Variants in GRID2 observed in about 807,000 individuals in gnomAD.
The protein encoded by GRID2 is glutamate receptor ionotropic, delta-2.
A neutral mutation model predicts 114.8 loss-of-function variants in GRID2; 33 were observed. The ratio of observed to expected loss-of-function variants is 0.29; its 90% confidence interval spans 0.22 to 0.38. The LOEUF is 0.38. Among genes scored for constraint, GRID2 ranks in the 10% least tolerant of loss-of-function variants. GRID2 has a pLI of 1.00. For synonymous variants in GRID2, 505 were observed against 449.9 expected (o/e 1.12, Z -1.55); for missense variants, 1,184 against 1,257.7 (o/e 0.94, Z 0.89).
intron 4 of GRID2, among the ~76,000 whole-genome samples, chr4:93,180,966 C>G (rs977410000): frequency 6.6e-6 from 1 of 152,132 alleles, no homozygotes; most frequent in African/African-American, 2.4e-5. Flanking sequence ...TTGACATGCT[C>G]TCATGAATCA....
intron 3 of GRID2, among the ~76,000 whole-genome samples, chr4:93,093,009 C>T (rs188570985): frequency 3.4e-4 from 51 of 152,024 alleles, no homozygotes; most frequent in Admixed American, 8.5e-4. Context: ...CAAACTACAA[C>T]GAACACTTTC....
intron 2 of GRID2, among the ~76,000 whole-genome samples, chr4:92,960,940 G>C (rs976945098): frequency 7.3e-5 from 11 of 151,242 alleles, no homozygotes. Context: ...GTTATTTTTA[G>C]TGGTTGCTCT....
At chr4:93,047,821 T>C (rs936296268) in intron 2 of GRID2, among the ~76,000 whole-genome samples, 3 of 151,278 alleles carry the variant, frequency 2.0e-5, no homozygotes, top group African/African-American at 7.3e-5. Flanking sequence ...TGACCCCAGG[T>C]AGATGAATAC....
intron 8 of GRID2, among the ~76,000 whole-genome samples, chr4:93,255,756 A>G (rs1749506736): frequency 6.6e-6 from 1 of 152,080 alleles, no homozygotes; most frequent in Admixed American, 6.6e-5. Context: ...CCTCACCAGA[A>G]AAGATGAAGG....
At chr4:92,793,034 A>G (rs72663573) in intron 2 of GRID2, among the ~76,000 whole-genome samples, 1,843 of 151,722 alleles carry the variant, frequency 0.012, 17 homozygotes, top group Middle Eastern at 0.071. Context: ...CATTTTGCGT[A>G]AAGAGAGTAA....
At chr4:93,674,151 C>G (rs1341200091) in intron 14 of GRID2, among the ~76,000 whole-genome samples, 1 of 152,180 alleles carries the variant, frequency 6.6e-6, no homozygotes, top group Non-Finnish European at 1.5e-5. Flanking sequence ...GTGTTATACT[C>G]TGAAGTATAA....
At chr4:92,329,108 AT>A (rs1726746942) in intron 1 of GRID2, among the ~76,000 whole-genome samples, 1 of 151,980 alleles carries the variant, frequency 6.6e-6, no homozygotes, top group South Asian at 2.1e-4. Context: ...CATTTTTTCC[AT>A]GTCTAGCTTT....
At chr4:92,457,876 A>T (rs1721294561) in intron 1 of GRID2, among the ~76,000 whole-genome samples, 1 of 152,166 alleles carries the variant, frequency 6.6e-6, no homozygotes, top group South Asian at 2.1e-4. Context: ...CCCTTAAAGA[A>T]ATTTCTCTAC....
chr4:93,314,335 A>C (rs1358842146), intron 8 of GRID2, among the ~76,000 whole-genome samples: 2 of 150,864 alleles, frequency 1.3e-5, no homozygotes, highest in Admixed American at 1.3e-4. Flanking sequence ...AAAAAGAAGA[A>C]GAAGAAGAAT....
chr4:92,960,504 A>T (rs929996707), intron 2 of GRID2, among the ~76,000 whole-genome samples: 1 of 152,046 alleles, frequency 6.6e-6, no homozygotes, highest in Non-Finnish European at 1.5e-5. Context: ...TCCCTTTATC[A>T]TGTAATGCTC....
At chr4:93,395,120 G>A in intron 8 of GRID2, among the ~76,000 whole-genome samples, 1 of 151,864 alleles carries the variant, frequency 6.6e-6, no homozygotes, top group East Asian at 1.9e-4. Flanking sequence ...TGAAAACAAA[G>A]ACATACACAT....
At chr4:92,585,315 G>A (rs969968673) in intron 1 of GRID2, among the ~76,000 whole-genome samples, 1 of 151,972 alleles carries the variant, frequency 6.6e-6, no homozygotes, top group African/African-American at 2.4e-5. Flanking sequence ...TTTCAGTTAA[G>A]TTTATTCCTT....
chr4:93,386,033 A>G (rs984503117), intron 8 of GRID2, among the ~76,000 whole-genome samples: 1 of 152,140 alleles, frequency 6.6e-6, no homozygotes, highest in Non-Finnish European at 1.5e-5. Context: ...AGCAAAACAG[A>G]AGGGTTTATT....
At chr4:93,313,908 C>T (rs1756292012) in intron 8 of GRID2, among the ~76,000 whole-genome samples, 1 of 152,114 alleles carries the variant, frequency 6.6e-6, no homozygotes, top group African/African-American at 2.4e-5. Context: ...GCAAAATCAG[C>T]CCTACACATA....
chr4:93,355,029 T>C (rs1028601665), intron 8 of GRID2, among the ~76,000 whole-genome samples: 1 of 151,618 alleles, frequency 6.6e-6, no homozygotes, highest in Non-Finnish European at 1.5e-5. Context: ...TCATTATTAT[T>C]ATTATCATCA....
At position 93,052,329 on chromosome 4, in the gene GRID2, G is replaced by A. The variant is rs530506354; in HGVS notation, c.245-32666G>A. ...CACACTTACGCAACTTTAATTGATA[G>A]GCAGTCATGTATCACTTAATGATGG... is the stretch of plus-strand genomic sequence containing the variant. On this transcript the variant is annotated intron_variant, in intron 2 of 15. Transcript: ENST00000282020. 3.3e-5 allele frequency among the ~76,000 whole-genome samples: 5 copies of A among 151,988 alleles called. 1 individual carries two copies. The highest frequency in any genetic ancestry group is 9.6e-5 in the African/African-American group (4 of 41,500).
chr4:93,208,048 G>T (rs958156086), intron 5 of GRID2, among the ~76,000 whole-genome samples: 2 of 151,920 alleles, frequency 1.3e-5, no homozygotes, highest in African/African-American at 4.8e-5. Context: ...ATTAGGACCT[G>T]CCAGTCAGAA....
intron 13 of GRID2, among the ~76,000 whole-genome samples, chr4:93,595,780 A>C (rs1194476780): frequency 6.6e-6 from 1 of 152,190 alleles, no homozygotes; most frequent in Non-Finnish European, 1.5e-5. Flanking sequence ...TCATTATATT[A>C]CTTTAATTTC....
At chr4:93,313,432 T>C (rs2149192596) in intron 8 of GRID2, among the ~76,000 whole-genome samples, 1 of 152,328 alleles carries the variant, frequency 6.6e-6, no homozygotes, top group East Asian at 1.9e-4. Context: ...ACTAAGTGTG[T>C]CTTTTCTATA....
Sources: allele counts gnomAD v4.1 joint callset (sites outside exome capture counted in the v4.1 genomes callset), GRCh38; gene constraint gnomAD v4.1.1; transcripts MANE v1.5; gene names NCBI Gene and HGNC (gene_info 2026-07-23, HGNC 2026-07-21).